ENAH: variants seen among roughly 807,000 people sequenced by gnomAD.
ENAH encodes protein enabled homolog.
A neutral mutation model predicts 78.7 loss-of-function variants in ENAH; 23 were observed. The observed-to-expected ratio is 0.29, with a 90% CI of 0.21 to 0.41. The LOEUF is 0.41. ENAH is among the 10% of genes least tolerant of loss of function. ENAH has a pLI of 1.00. For missense variants in ENAH, 544 were observed against 691.0 expected, an observed-to-expected ratio of 0.79 and a Z score of 2.39; for synonymous variants, 226 against 241.0, an observed-to-expected ratio of 0.94 and a Z score of 0.58.
At chr1:225,522,758 T>A (rs762663806) in intron 4 of ENAH, among the ~76,000 whole-genome samples, 4 of 152,158 alleles carry the variant, frequency 2.6e-5, no homozygotes, top group Non-Finnish European at 4.4e-5. Flanking sequence ...CTCTAAGCAA[T>A]CTGTTGGGCC....
chr1:225,646,167 C>CA (rs200880795), intron 1 of ENAH, among the ~76,000 whole-genome samples: 53,120 of 145,196 alleles, frequency 0.37, 10,871 homozygotes, highest in African/African-American at 0.59. Flanking sequence ...TATGCACTGA[C>CA]AAAAAAAAAA....
chr1:225,590,018 A>G (rs1026111501), intron 1 of ENAH, among the ~76,000 whole-genome samples: 2 of 151,014 alleles, frequency 1.3e-5, no homozygotes, highest in African/African-American at 4.8e-5. Flanking sequence ...GTTGAGAAAC[A>G]ACATATAAAT....
chr1:225,541,023 C>A (rs1182991701), intron 3 of ENAH, among the ~76,000 whole-genome samples: 2 of 152,158 alleles, frequency 1.3e-5, no homozygotes, highest in Non-Finnish European at 2.9e-5. Context: ...CAAGAACTGG[C>A]AAATCTTCAG....
chr1:225,610,868 C>T (rs2096984457), intron 1 of ENAH, among the ~76,000 whole-genome samples: 1 of 152,090 alleles, frequency 6.6e-6, no homozygotes, highest in Non-Finnish European at 1.5e-5. Context: ...AAAACTGCAA[C>T]CAATCCAAAT....
At chr1:225,641,176 C>A (rs1455913849) in intron 1 of ENAH, among the ~76,000 whole-genome samples, 1 of 151,680 alleles carries the variant, frequency 6.6e-6, no homozygotes, top group Non-Finnish European at 1.5e-5. Context: ...TACAAGTACA[C>A]ACATTTTAAA....
At chr1:225,560,184 T>C (rs76367741) in intron 2 of ENAH, among the ~76,000 whole-genome samples, 1 of 152,200 alleles carries the variant, frequency 6.6e-6, no homozygotes, top group South Asian at 2.1e-4. Context: ...TTTTTTTTTT[T>C]TCCTGAGACA....
intron 12 of ENAH, 119 bp downstream of exon 12, chr1:225,500,873 T>C (rs561685489): frequency 2.2e-6 from 2 of 914,984 alleles, no homozygotes; most frequent in African/African-American, 1.7e-5. Flanking sequence ...TTAATTTGTA[T>C]AACAATAGCT....
At chr1:225,594,583 T>C (rs979855829) in intron 1 of ENAH, among the ~76,000 whole-genome samples, 9 of 152,204 alleles carry the variant, frequency 5.9e-5, no homozygotes, top group African/African-American at 1.9e-4. Flanking sequence ...CGATGATTTG[T>C]TGATTAGACT....
intron 1 of ENAH, among the ~76,000 whole-genome samples, chr1:225,613,157 G>C (rs1297054435): frequency 6.6e-6 from 1 of 152,086 alleles, no homozygotes; most frequent in Non-Finnish European, 1.5e-5. Flanking sequence ...CTTCTGCTTA[G>C]AGTACTCTTT....
At chr1:225,540,505 G>T (rs1292611172) in intron 3 of ENAH, among the ~76,000 whole-genome samples, 3 of 151,990 alleles carry the variant, frequency 2.0e-5, no homozygotes, top group Admixed American at 1.3e-4. Flanking sequence ...ACATACTTAG[G>T]GGTGGGGAAA....
intron 1 of ENAH, among the ~76,000 whole-genome samples, chr1:225,606,545 A>G (rs1050419143): frequency 6.6e-6 from 1 of 152,166 alleles, no homozygotes; most frequent in African/African-American, 2.4e-5. Flanking sequence ...AATGTAGTCC[A>G]TTCAAAATAA....
At chr1:225,499,152 ATT>A (rs2096267190) in intron 12 of ENAH, among the ~76,000 whole-genome samples, 1 of 150,838 alleles carries the variant, frequency 6.6e-6, no homozygotes, top group South Asian at 2.1e-4. Flanking sequence ...ACTTTAAATA[ATT>A]AAGTTTTAAA....
chr1:225,573,165 A>G (rs970331966), intron 1 of ENAH, among the ~76,000 whole-genome samples: 4 of 152,210 alleles, frequency 2.6e-5, no homozygotes, highest in African/African-American at 9.6e-5. Flanking sequence ...GATTGCAGTA[A>G]AACCAAGTTG....
upstream of ENAH, chr1:225,653,286 G>A (rs1235133758): frequency 2.0e-5 from 3 of 151,408 alleles, no homozygotes; most frequent in Non-Finnish European, 3.0e-5. The surrounding 1 kb of genome is among the most constrained non-coding windows in gnomAD (Gnocchi z 4.3). Flanking sequence ...CCGGCGGCCG[G>A]GCCCCCGCCG....
chr1:225,607,525 A>C (rs1301122993), intron 1 of ENAH, among the ~76,000 whole-genome samples: 1 of 152,030 alleles, frequency 6.6e-6, no homozygotes, highest in Non-Finnish European at 1.5e-5. Flanking sequence ...CAAAAAAAAA[A>C]AAAAAAAACA....
At chr1:225,591,722 G>A (rs1253503751) in intron 1 of ENAH, among the ~76,000 whole-genome samples, 6 of 133,340 alleles carry the variant, frequency 4.5e-5, no homozygotes, top group Non-Finnish European at 7.6e-5. Context: ...CCGAGATCGC[G>A]TCACTGCACT....
chr1:225,517,703 A>G, intron 5 of ENAH: 1 of 1,551,122 alleles, frequency 6.4e-7, no homozygotes, highest in Non-Finnish European at 8.7e-7. Flanking sequence ...ACAGGAGAAG[A>G]AGGTCGAGAG....
intron 1 of ENAH, among the ~76,000 whole-genome samples, chr1:225,633,103 C>T (rs1467856134): frequency 6.6e-6 from 1 of 150,694 alleles, no homozygotes; most frequent in African/African-American, 2.5e-5. Flanking sequence ...AGTGCAGTGG[C>T]GCAATCTCGG....
At chr1:225,642,837 A>C (rs1422702527) in intron 1 of ENAH, among the ~76,000 whole-genome samples, 2 of 152,184 alleles carry the variant, frequency 1.3e-5, no homozygotes, top group Non-Finnish European at 2.9e-5. Flanking sequence ...CTGTCCAATA[A>C]ACAAACAAAG....
Sources: allele counts gnomAD v4.1 joint callset (sites outside exome capture counted in the v4.1 genomes callset), GRCh38; gene constraint gnomAD v4.1.1; non-coding constraint Gnocchi (gnomAD v3.1); transcripts MANE v1.5; gene names NCBI Gene and HGNC (gene_info 2026-07-23, HGNC 2026-07-21).